The following LRP12 variants were observed in gnomAD, a reference collection of about 807,000 sequenced individuals.
The protein encoded by LRP12 is LDL receptor related protein 12.
A neutral mutation model predicts 66.0 loss-of-function variants in LRP12; 14 were observed. The ratio of observed to expected loss-of-function variants is 0.21; its 90% CI spans 0.14 to 0.33. The LOEUF is 0.33. Among genes scored for constraint, LRP12 ranks in the 10% least tolerant of loss-of-function variants. LRP12 has a pLI of 1.00. For missense variants in LRP12, 889 were observed against 1,053.4 expected, an observed-to-expected ratio of 0.84 and a Z score of 2.16; for synonymous variants, 357 against 359.1, an observed-to-expected ratio of 0.99 and a Z score of 0.07.
rs775959646 is a variant in LRP12, at chr8:104,588,921, A to G, written c.-24T>C. 2 of 1,571,132 alleles carry G rather than the reference A, an allele frequency of 1.3e-6. No individual in the cohort carries two copies. Among genetic ancestry groups the G allele is most frequent in the African/African-American group, 1.4e-5 (1 of 73,384 alleles). On this transcript the variant is annotated 5_prime_UTR_variant, in exon 1 of 7. Coordinates refer to ENST00000276654, the MANE Select transcript of LRP12 (RefSeq NM_013437.5). ...ATAACCACAGCAGATGGAGAGAGAG[A>G]GGAGGAGACGGAGGAGGAGGGAGGA...
chr8:104,549,472 G>A lies in LRP12; in HGVS notation c.80-17509C>T, dbSNP rs141223832. On this transcript the variant is annotated intron_variant, in intron 1 of 6. Coordinates refer to ENST00000276654, the MANE Select transcript of LRP12 (RefSeq NM_013437.5). ...GGCTGGAGTGTAGTGGTACGATCTC[G>A]GCTCACCGCAAGCTCTGCCTCCCGG... Among the ~76,000 whole-genome samples, 714 of 139,334 alleles carry A rather than the reference G, an allele frequency of 5.1e-3. 7 individuals carry two copies. Among genetic ancestry groups the A allele is most frequent in the African/African-American group, 0.018 (676 of 36,544 alleles). The allele number at this position is 139,334 out of a possible 152,430, so 91.4% of individuals were successfully genotyped here. A position where few individuals can be genotyped will look rare whatever the true frequency, so the allele number is the denominator to read the frequency against.
intron 1 of LRP12, among the ~76,000 whole-genome samples, chr8:104,585,284 C>T (rs374504066): frequency 1.8e-4 from 28 of 152,284 alleles, no homozygotes; most frequent in African/African-American, 6.3e-4. Context: ...AGAATACAAT[C>T]GTGCAATCTT....
chr8:104,548,339 A>AATATAT lies in LRP12; in HGVS notation c.80-16377_80-16376insATATAT, dbSNP rs1564142200. Among the ~76,000 whole-genome samples the AATATAT allele has an allele frequency of 1.3e-3, 56 of 43,056 alleles. 7 individuals carry two copies. Among genetic ancestry groups the AATATAT allele is most frequent in the African/African-American group, 7.1e-3 (50 of 7,090 alleles). The allele number at this position is 43,056 out of a possible 152,430, so 28.2% of individuals were successfully genotyped here. On this transcript the variant is annotated intron_variant, in intron 1 of 6. Coordinates refer to ENST00000276654, the MANE Select transcript of LRP12 (RefSeq NM_013437.5). ...TAAATATATAATATATATTATATAAATATATAAATATATAATATATATTAT... is the reference window on the plus strand; with the variant it reads ...TAAATATATAATATATATTATATAAAATATATTATATAAATATATAATATATATTAT...
At chr8:104,493,216 A>G (rs749130698) in intron 6 of LRP12, among the ~76,000 whole-genome samples, 1 of 152,232 alleles carries the variant, frequency 6.6e-6, no homozygotes, top group Non-Finnish European at 1.5e-5. Flanking sequence ...AGGAGAAAGC[A>G]TTCCTCAAAA....
intron 1 of LRP12, among the ~76,000 whole-genome samples, chr8:104,546,066 T>C (rs1390981339): frequency 6.6e-6 from 1 of 152,164 alleles, no homozygotes; most frequent in Non-Finnish European, 1.5e-5. Flanking sequence ...AGTTTTTTCT[T>C]TCTTGTTTCC....
At chr8:104,548,088 A>G (rs1274326429) in intron 1 of LRP12, among the ~76,000 whole-genome samples, 2 of 117,628 alleles carry the variant, frequency 1.7e-5, no homozygotes, top group Non-Finnish European at 3.2e-5. Context: ...GTTATATTAT[A>G]TTTTGTATAT....
chr8:104,557,509 A>G (rs1397165107), intron 1 of LRP12, among the ~76,000 whole-genome samples: 1 of 150,908 alleles, frequency 6.6e-6, no homozygotes, highest in Non-Finnish European at 1.5e-5. Context: ...AATTAAATCA[A>G]GGACCCAATT....
At chr8:104,581,532 G>GAAAA (rs535359704) in intron 1 of LRP12, among the ~76,000 whole-genome samples, 13 of 140,872 alleles carry the variant, frequency 9.2e-5, no homozygotes, top group African/African-American at 3.4e-4. Flanking sequence ...ACTTAAAAGT[G>GAAAA]AAAAAAAAAA....
chr8:104,566,080 A>T (rs560696450), intron 1 of LRP12: 69 of 224,990 alleles, frequency 3.1e-4, no homozygotes, highest in African/African-American at 1.5e-3. Context: ...GCTTGTTGGC[A>T]CTGTCATAGT....
Position 104,561,723 on chromosome 8 carries a change from G to A in LRP12, c.79+27096C>T, listed in dbSNP as rs143871690. 2.0e-5 allele frequency among the ~76,000 whole-genome samples: 3 copies of A among 152,198 alleles called. No homozygotes were observed. The East Asian group carries it at 5.8e-4, about 29-fold the overall frequency. ...CAGTACATTTCAACCAACTGCCTTC[G>A]TTATATTCTTTCATCATGTTCAAGT... On this transcript the variant is annotated intron_variant, in intron 1 of 6. Transcript: ENST00000276654.
At chr8:104,525,905 G>A (rs138580107) in intron 2 of LRP12, among the ~76,000 whole-genome samples, 6,165 of 152,224 alleles carry the variant, frequency 0.04, 188 homozygotes, top group South Asian at 0.075. Context: ...CCTGTTTGCA[G>A]ACGACATGAT....
intron 1 of LRP12, among the ~76,000 whole-genome samples, chr8:104,561,667 A>G (rs1239680164): frequency 6.6e-6 from 1 of 152,118 alleles, no homozygotes; most frequent in Non-Finnish European, 1.5e-5. Flanking sequence ...TTACACATCT[A>G]TTGTTATAAA....
In LRP12 at chr8:104,589,123, C is replaced by A. The variant is rs1180820124; in HGVS notation, c.-226G>T. On this transcript the variant is annotated 5_prime_UTR_variant, in exon 1 of 7. Coordinates refer to ENST00000276654, the MANE Select transcript of LRP12 (RefSeq NM_013437.5). ...TCGCCTGCTCCCACCCCGGGCGGTG[C>A]GAGAGCCCCACGCGGGGCGGCCCTC... 9.5e-6 allele frequency: 2 copies of A among 209,812 alleles called. No individual in the cohort carries two copies. Among genetic ancestry groups the A allele is most frequent in the Non-Finnish European group, 1.9e-5 (2 of 106,496 alleles). The allele number at this position is 209,812 out of a possible 1,614,324, so 13.0% of individuals were successfully genotyped here. A position where few individuals can be genotyped will look rare whatever the true frequency, so the allele number is the denominator to read the frequency against.
intron 1 of LRP12, among the ~76,000 whole-genome samples, chr8:104,586,088 T>C (rs1310590310): frequency 6.6e-6 from 1 of 152,230 alleles, no homozygotes; most frequent in Non-Finnish European, 1.5e-5. Context: ...TCCTAACTCT[T>C]AGGCACATTG....
At position 104,520,207 on chromosome 8, in the gene LRP12, G is replaced by GT. The variant is rs1299941747; in HGVS notation, c.137-11134dup. 2.4e-4 allele frequency among the ~76,000 whole-genome samples: 36 copies of GT among 151,894 alleles called. 1 individual carries two copies. The highest frequency in any genetic ancestry group is 2.4e-3 in the Admixed American group (36 of 15,208). ...TAGGATTTTGCTAACAATGCATAACGTAAGATGAATAGAGAAGATTCATCC... is the reference window on the plus strand; with the variant it reads ...TAGGATTTTGCTAACAATGCATAACGTTAAGATGAATAGAGAAGATTCATCC... On this transcript the variant is annotated intron_variant, in intron 2 of 6. Transcript: ENST00000276654.
chr8:104,491,140 C>T lies in LRP12; in HGVS notation c.2113G>A (p.Ala705Thr). 6.2e-7 allele frequency: 1 copy of T among 1,614,122 alleles called. No homozygotes were observed. Among genetic ancestry groups the T allele is most frequent in the South Asian group, 1.1e-5 (1 of 91,080 alleles). ...SSTQSTRGGHADNGRDVTSVE... is the reference protein window; with the variant it reads ...SSTQSTRGGHTDNGRDVTSVE... ...CTTGTCACATCCCTTCCATTATCTG[C>T]ATGACCACCTCGGGTACTCTGAGTT... The change falls in exon 7 of 7, where the codon GCA becomes ACA. Residue 705 changes from alanine to threonine, a missense_variant. Around this residue, in one of 3 missense-constraint regions of LRP12, gnomAD observed 800 missense variants for 964.5 expected, o/e 0.83. Transcript: ENST00000276654.
intron 3 of LRP12, among the ~76,000 whole-genome samples, chr8:104,502,147 G>A (rs998602469): frequency 7.9e-5 from 12 of 152,126 alleles, no homozygotes; most frequent in African/African-American, 2.4e-4. Flanking sequence ...GTTTGTTTCT[G>A]CTTTGCCCTT....
chr8:104,525,450 A>C (rs1045107953), intron 2 of LRP12, among the ~76,000 whole-genome samples: 1 of 152,178 alleles, frequency 6.6e-6, no homozygotes, highest in African/African-American at 2.4e-5. Context: ...AGAATATTAA[A>C]AACAGAACAA....
chr8:104,529,119 G>C (rs928926350), intron 2 of LRP12, among the ~76,000 whole-genome samples: 1 of 152,130 alleles, frequency 6.6e-6, no homozygotes, highest in Admixed American at 6.6e-5. Context: ...AGTCTTTACA[G>C]AGTTAAAGAG....
Sources: gnomAD v4.1 joint callset for allele counts (sites outside exome capture counted in the v4.1 genomes callset) on GRCh38, gnomAD v4.1.1 for gene constraint, gnomAD v4.1.1 regional missense constraint, MANE v1.5 for transcripts, NCBI Gene and HGNC (gene_info 2026-07-23, HGNC 2026-07-21) for gene names.